The following SUFU variants were observed in gnomAD, a reference collection of about 807,000 sequenced individuals.
SUFU encodes suppressor of fused homolog.
A neutral mutation model predicts 58.9 loss-of-function variants in SUFU; 7 were observed. The observed-to-expected ratio is 0.12, with a 90% CI of 0.07 to 0.22. The LOEUF is 0.22. SUFU is among the 10% of genes least tolerant of loss of function. The pLI is 1.00. For synonymous variants in SUFU, 232 were observed against 254.8 expected (o/e 0.91, Z 0.85); for missense variants, 451 against 641.3 (o/e 0.70, Z 3.20).
chr10:102,591,127 T>G (rs2063396089), intron 3 of SUFU: 1 of 152,242 alleles, frequency 6.6e-6, no homozygotes, highest in African/African-American at 2.4e-5. Flanking sequence ...ACTGTTGAGA[T>G]TCCGAGATCG....
At chr10:102,627,478 C>G (rs1008429346) in intron 11 of SUFU, among the ~76,000 whole-genome samples, 2 of 152,248 alleles carry the variant, frequency 1.3e-5, no homozygotes, top group East Asian at 3.8e-4. Flanking sequence ...TGCCCTACCC[C>G]CAGCCCTTGT....
chr10:102,561,793 C>T (rs947206788), intron 3 of SUFU, among the ~76,000 whole-genome samples: 2 of 151,744 alleles, frequency 1.3e-5, no homozygotes, highest in South Asian at 2.1e-4. Flanking sequence ...CTCAGCCTCC[C>T]AAGTAGCTGG....
At chr10:102,527,282 G>A (rs763907804) in intron 2 of SUFU, among the ~76,000 whole-genome samples, 8 of 151,980 alleles carry the variant, frequency 5.3e-5, no homozygotes, top group South Asian at 4.1e-4. Flanking sequence ...GATTACAGGC[G>A]TGAGCCACCG....
chr10:102,537,129 CTTTT>C (rs74317451), intron 2 of SUFU, among the ~76,000 whole-genome samples: 5 of 119,370 alleles, frequency 4.2e-5, no homozygotes, highest in Non-Finnish European at 3.5e-5. Flanking sequence ...TTAAATTTAC[CTTTT>C]TTTTTTTTTT....
At chr10:102,539,255 A>G (rs995222983) in intron 2 of SUFU, among the ~76,000 whole-genome samples, 1 of 152,200 alleles carries the variant, frequency 6.6e-6, no homozygotes, top group Admixed American at 6.5e-5. Flanking sequence ...AGTACAGGTC[A>G]GTTATTTTAT....
intron 10 of SUFU, among the ~76,000 whole-genome samples, chr10:102,624,636 C>A (rs1207677449): frequency 1.3e-5 from 2 of 152,212 alleles, no homozygotes; most frequent in South Asian, 2.1e-4. Context: ...TCCCCTCCCC[C>A]AACCGAGTCC....
rs35007507 is a variant in SUFU at position 102,519,527 on chromosome 10, C to CAAAAA, written c.317+10237_317+10241dup. Among the ~76,000 whole-genome samples the CAAAAA allele has an allele frequency of 1.1e-4, 14 of 127,394 alleles. 1 individual carries two copies. The East Asian group carries it at 1.2e-3, about 11-fold the overall frequency. 83.6% of individuals were successfully genotyped at this position (127,394 alleles called of 152,430 possible). A position where few individuals can be genotyped will look rare whatever the true frequency, so the allele number is the denominator to read the frequency against. On this transcript the variant is annotated intron_variant, in intron 2 of 11. Transcript: ENST00000369902. ...TGGCAACAAGAGAGAAACTCTGTCT[C>CAAAAA]AAAAAAAAAAAAAAAAAGTCTTCTG...
chr10:102,504,963 C>G (rs1167965256), intron 1 of SUFU, among the ~76,000 whole-genome samples: 1 of 152,124 alleles, frequency 6.6e-6, no homozygotes, highest in Admixed American at 6.5e-5. Flanking sequence ...AGCAGCTCTT[C>G]CTGATAAACT....
intron 2 of SUFU, among the ~76,000 whole-genome samples, chr10:102,510,531 A>AT (rs2062388461): frequency 2.0e-5 from 3 of 149,126 alleles, no homozygotes; most frequent in Non-Finnish European, 3.0e-5. Flanking sequence ...TTTTAAAAAG[A>AT]TTTTTTTTGG....
Position 102,630,072 on chromosome 10 carries a change from C to A in SUFU, c.1372C>A (p.Leu458Ile). ...GTGCTTGCTCCCTCCACAGTTCAAA[C>A]TTCCCAAAGAGTACAGCTGGCCTGA... Reference protein sequence around the residue: ...EDLTSPEEFKLPKEYSWPEKK... With the variant: ...EDLTSPEEFKIPKEYSWPEKK... Residue 458 changes from leucine to isoleucine, a missense_variant, in exon 12 of 12, where the codon CTT becomes ATT. Coordinates refer to ENST00000369902, the MANE Select transcript of SUFU (RefSeq NM_016169.4). The A allele has an allele frequency of 6.2e-7, 1 of 1,614,196 alleles. No homozygotes were observed.
At position 102,560,407 on chromosome 10, in the gene SUFU, T is replaced by TA. The variant is rs1019232766; in HGVS notation, c.454+10311dup. On this transcript the variant is annotated intron_variant, in intron 3 of 11. Coordinates refer to ENST00000369902, the MANE Select transcript of SUFU (RefSeq NM_016169.4). ...CAACATGATGAAACCCCATCTCTGCTAAAAAAAAAATACAAAAATTAGCCA... is the reference window on the plus strand; with the variant it reads ...CAACATGATGAAACCCCATCTCTGCTAAAAAAAAAAATACAAAAATTAGCCA... 5.2e-3 allele frequency among the ~76,000 whole-genome samples: 769 copies of TA among 148,564 alleles called. 8 individuals are homozygous for TA. Among genetic ancestry groups the TA allele is most frequent in the African/African-American group, 0.017 (678 of 40,550 alleles).
chr10:102,534,157 G>A (rs999773542), intron 2 of SUFU, among the ~76,000 whole-genome samples: 7 of 152,120 alleles, frequency 4.6e-5, no homozygotes, highest in African/African-American at 1.2e-4. Flanking sequence ...GGCCAGGCGC[G>A]GTGGCTCACG....
intron 8 of SUFU, among the ~76,000 whole-genome samples, chr10:102,611,941 A>G (rs2063628272): frequency 6.6e-6 from 1 of 152,168 alleles, no homozygotes. Flanking sequence ...CCCCAAAGCC[A>G]TGCCTTCCCC....
At chr10:102,609,955 A>G (rs2063605329) in intron 8 of SUFU, among the ~76,000 whole-genome samples, 2 of 152,232 alleles carry the variant, frequency 1.3e-5, no homozygotes, top group South Asian at 2.1e-4. Context: ...ACTCCAAGGG[A>G]AAGAGCGAGT....
rs188031561 is a variant in SUFU at position 102,558,951 on chromosome 10, A to T, written c.454+8845A>T. ...AATAAGGGCACTTACCTTACATGGC[A>T]AGCCATCTGGAGGAGGGGCAATTCC... On this transcript the variant is annotated intron_variant, in intron 3 of 11. Coordinates refer to ENST00000369902, the MANE Select transcript of SUFU (RefSeq NM_016169.4). 7.8e-3 allele frequency among the ~76,000 whole-genome samples: 1,186 copies of T among 152,298 alleles called. 9 individuals carry two copies. Among genetic ancestry groups the T allele is most frequent in the Non-Finnish European group, 0.011 (715 of 68,030 alleles).
At chr10:102,608,085 G>A (rs550450407) in intron 8 of SUFU, among the ~76,000 whole-genome samples, 3 of 151,666 alleles carry the variant, frequency 2.0e-5, no homozygotes, top group South Asian at 2.1e-4. Context: ...TCAGCCAGGC[G>A]TGATGGTGGG....
At chr10:102,566,465 A>G (rs957463892) in intron 3 of SUFU, among the ~76,000 whole-genome samples, 2 of 152,034 alleles carry the variant, frequency 1.3e-5, no homozygotes, top group African/African-American at 4.8e-5. Context: ...CCACGTCTCT[A>G]TTAAAAGTAC....
intron 7 of SUFU, among the ~76,000 whole-genome samples, chr10:102,598,736 T>G (rs1476208815): frequency 6.6e-6 from 1 of 152,238 alleles, no homozygotes; most frequent in Non-Finnish European, 1.5e-5. Context: ...TTTAATTTGC[T>G]TTTTTGTATC....
At chr10:102,571,104 G>A (rs1044595825) in intron 3 of SUFU, among the ~76,000 whole-genome samples, 5 of 152,126 alleles carry the variant, frequency 3.3e-5, no homozygotes, top group African/African-American at 7.2e-5. Flanking sequence ...TAAGAAAATC[G>A]TATCAGAGAA....
Sources: gnomAD v4.1 joint callset for allele counts (sites outside exome capture counted in the v4.1 genomes callset) on GRCh38, gnomAD v4.1.1 for gene constraint, MANE v1.5 for transcripts, NCBI Gene and HGNC (gene_info 2026-07-23, HGNC 2026-07-21) for gene names.